The following DDR2 variants were observed in gnomAD, a reference collection of about 807,000 sequenced individuals.
DDR2 encodes discoidin domain receptor tyrosine kinase 2, also known as discoidin domain-containing receptor 2.
DDR2 carries 27 observed loss-of-function variants against 94.9 expected under a neutral mutation model. The observed-to-expected ratio is 0.28, with a 90% CI of 0.21 to 0.39. The LOEUF is 0.39. DDR2 is among the 10% of genes least tolerant of loss of function. The probability of loss-of-function intolerance (pLI) is 1.00; values close to 1 mark genes in which losing one functional copy is unlikely to be tolerated. For missense variants in DDR2, 783 were observed against 1,076.0 expected, an observed-to-expected ratio of 0.73 and a Z score of 3.81; for synonymous variants, 382 against 377.2, an observed-to-expected ratio of 1.01 and a Z score of -0.15.
In DDR2 at chr1:162,780,275, G is replaced by A. The variant is rs369559255; in HGVS notation, c.*29G>A. 9.5e-5 allele frequency: 154 copies of A among 1,613,258 alleles called. No homozygotes were observed. The highest frequency in any genetic ancestry group is 2.8e-4 in the Admixed American group (17 of 59,896). Reference sequence around the variant, plus strand: ...TGTCAGTGCCTGGCCATGTTCCTACGGCTCAGGTCCTCCCTACAAGACCTA... The same window carrying A: ...TGTCAGTGCCTGGCCATGTTCCTACAGCTCAGGTCCTCCCTACAAGACCTA... On this transcript the variant is annotated 3_prime_UTR_variant, in exon 18 of 18. Transcript: ENST00000367921.
rs79640333 is a variant in DDR2 at position 162,725,092 on chromosome 1, A to C, written c.82+5947A>C. Among the ~76,000 whole-genome samples the C allele has an allele frequency of 5.3e-3, 804 of 152,282 alleles. 28 individuals carry two copies. The highest frequency in any genetic ancestry group is 0.041 in the Admixed American group (627 of 15,282). On this transcript the variant is annotated intron_variant, in intron 3 of 17. Coordinates refer to ENST00000367921, the MANE Select transcript of DDR2 (RefSeq NM_006182.4). The stretch of plus-strand genomic sequence containing the variant: ...CTCAAAGAATATTCAATGAACACTT[A>C]ATATATTCTGGGTACCATTTTAAGT...
At chr1:162,648,058 T>C (rs201276790) in intron 1 of DDR2, among the ~76,000 whole-genome samples, 3 of 1,668 alleles carry the variant, frequency 1.8e-3, no homozygotes, top group East Asian at 0.5. Context: ...GGTTTTTTCC[T>C]TTTTTTTTTT....
chr1:162,689,419 A>G (rs759896031), intron 2 of DDR2, among the ~76,000 whole-genome samples: 4 of 152,174 alleles, frequency 2.6e-5, no homozygotes, highest in Non-Finnish European at 5.9e-5. Flanking sequence ...ATGAAAACCA[A>G]TGGAGAAATT....
At chr1:162,679,735 C>G (rs1659310212) in intron 2 of DDR2, among the ~76,000 whole-genome samples, 1 of 151,878 alleles carries the variant, frequency 6.6e-6, no homozygotes, top group Non-Finnish European at 1.5e-5. Context: ...TCCACAATCG[C>G]TGAACTAATT....
chr1:162,740,739 G>A (rs997791291), intron 3 of DDR2, among the ~76,000 whole-genome samples: 1 of 152,052 alleles, frequency 6.6e-6, no homozygotes, highest in Admixed American at 6.6e-5. Flanking sequence ...CTGTATTCCC[G>A]CAAGGCCAAT....
chr1:162,687,714 G>T (rs916973011), intron 2 of DDR2, among the ~76,000 whole-genome samples: 1 of 152,134 alleles, frequency 6.6e-6, no homozygotes, highest in Non-Finnish European at 1.5e-5. Flanking sequence ...AGAACCAGGG[G>T]GATGCTGCCT....
At chr1:162,750,608 C>T (rs1245687106) in intron 3 of DDR2, among the ~76,000 whole-genome samples, 1 of 152,172 alleles carries the variant, frequency 6.6e-6, no homozygotes, top group Non-Finnish European at 1.5e-5. Context: ...CCCCATCAAG[C>T]TACCAATGAC....
rs56323242 is a variant in DDR2, at chr1:162,763,336, C to CTTTT, written c.1099+1913_1099+1916dup. ...TACAGGTGCCTGCTACCACGCCCGGCTTTTTTTTTTTTTTTTTTTTTTTTT... is the reference window on the plus strand; with the variant it reads ...TACAGGTGCCTGCTACCACGCCCGGCTTTTTTTTTTTTTTTTTTTTTTTTTTTTT... On this transcript the variant is annotated intron_variant, in intron 9 of 17. Coordinates refer to ENST00000367921, the MANE Select transcript of DDR2 (RefSeq NM_006182.4). 2.8e-4 allele frequency among the ~76,000 whole-genome samples: 16 copies of CTTTT among 56,532 alleles called. 1 individual carries two copies. The highest frequency in any genetic ancestry group is 8.2e-4 in the African/African-American group (11 of 13,356). 37.1% of individuals were successfully genotyped at this position (56,532 alleles called of 152,430 possible). A position where few individuals can be genotyped will look rare whatever the true frequency, so the allele number is the denominator to read the frequency against.
At chr1:162,642,403 G>C (rs1467831650) in intron 1 of DDR2, among the ~76,000 whole-genome samples, 3 of 151,380 alleles carry the variant, frequency 2.0e-5, no homozygotes, top group Non-Finnish European at 2.9e-5. Context: ...CTCCCGAGTA[G>C]CTGGGATTAC....
intron 14 of DDR2, among the ~76,000 whole-genome samples, chr1:162,775,039 C>G (rs772021877): frequency 2.6e-5 from 4 of 152,142 alleles, no homozygotes; most frequent in Non-Finnish European, 2.9e-5. Flanking sequence ...AATTATTAGT[C>G]TTGGTCAAAT....
In DDR2 at chr1:162,760,513, T is replaced by G. The variant is rs1425497634; in HGVS notation, c.855+534T>G. Among the ~76,000 whole-genome samples the G allele has an allele frequency of 1.2e-4, 11 of 89,384 alleles. 1 individual carries two copies. The highest frequency in any genetic ancestry group is 4.1e-4 in the African/African-American group (9 of 21,982). 58.6% of individuals were successfully genotyped at this position (89,384 alleles called of 152,430 possible). A position where few individuals can be genotyped will look rare whatever the true frequency, so the allele number is the denominator to read the frequency against. ...ATATGTATATACATATACAACTATA[T>G]ATATGTATATACATATACAACTAGA... is the stretch of plus-strand genomic sequence containing the variant. On this transcript the variant is annotated intron_variant, in intron 8 of 17. Transcript: ENST00000367921.
rs764117026 is a variant in DDR2 at position 162,776,250 on chromosome 1, C to A, written c.2163C>A (p.Asn721Lys). ...CACGAAACTGTTTAGTGGGTAAGAA[C>A]TACACAATCAAGATAGCTGACTTTG... ...LATRNCLVGK[N>K]YTIKIADFGM... is the part of the protein sequence containing the mutation. Residue 721 changes from asparagine (N) to lysine (K), a missense_variant, in exon 16 of 18, where the codon AAC (asparagine) becomes AAA (lysine). Transcript: ENST00000367921. 9.9e-6 allele frequency: 16 copies of A among 1,613,770 alleles called. No homozygotes were observed. Among genetic ancestry groups the A allele is most frequent in the Non-Finnish European group, 1.4e-5 (16 of 1,179,956 alleles).
intron 1 of DDR2, among the ~76,000 whole-genome samples, chr1:162,639,373 C>T (rs905648623): frequency 1.3e-5 from 2 of 152,158 alleles, no homozygotes; most frequent in Non-Finnish European, 2.9e-5. Flanking sequence ...GGAGCAAAGG[C>T]AATCTGATGG....
intron 2 of DDR2, among the ~76,000 whole-genome samples, chr1:162,694,221 C>A (rs761676145): frequency 3.3e-5 from 5 of 152,224 alleles, no homozygotes; most frequent in African/African-American, 4.8e-5. Context: ...TGCCACTCCT[C>A]TGCCTAAAAG....
rs575117776 is a variant in DDR2, at chr1:162,726,084, G to A, written c.82+6939G>A. 3.9e-5 allele frequency among the ~76,000 whole-genome samples: 6 copies of A among 152,210 alleles called. No individual in the cohort carries two copies. The East Asian group carries it at 7.7e-4, about 20-fold the overall frequency. On this transcript the variant is annotated intron_variant, in intron 3 of 17. Coordinates refer to ENST00000367921, the MANE Select transcript of DDR2 (RefSeq NM_006182.4). ...GCAGTCTTCTCACCTATCACTGATCGCTGCCTTAAGGGCTGTTAGGAAGAG... is the reference window on the plus strand; with the variant it reads ...GCAGTCTTCTCACCTATCACTGATCACTGCCTTAAGGGCTGTTAGGAAGAG...
intron 1 of DDR2, among the ~76,000 whole-genome samples, chr1:162,637,641 C>A (rs1442081492): frequency 6.6e-6 from 1 of 152,146 alleles, no homozygotes; most frequent in African/African-American, 2.4e-5. Flanking sequence ...TGCTGCCTCT[C>A]AAGCTGTTTA....
At chr1:162,705,315 C>A (rs984571584) in intron 2 of DDR2, among the ~76,000 whole-genome samples, 4 of 152,188 alleles carry the variant, frequency 2.6e-5, no homozygotes, top group South Asian at 2.1e-4. Context: ...CAGCTACGAG[C>A]CAATGGATCC....
At chr1:162,661,078 C>A (rs994482846) in intron 2 of DDR2, among the ~76,000 whole-genome samples, 2 of 152,192 alleles carry the variant, frequency 1.3e-5, no homozygotes, top group African/African-American at 4.8e-5. Context: ...AGAAGCTGAA[C>A]CATAAACCGT....
At chr1:162,755,870 T>G (rs573306519) in intron 7 of DDR2, 101 bp downstream of exon 7, 1 of 982,754 alleles carries the variant, frequency 1.0e-6, no homozygotes, top group East Asian at 2.4e-5. Context: ...CAATCAGTAT[T>G]TATTTAGTTC....
Sources: allele counts gnomAD v4.1 joint callset (sites outside exome capture counted in the v4.1 genomes callset), GRCh38; gene constraint gnomAD v4.1.1; transcripts MANE v1.5; gene names NCBI Gene and HGNC (gene_info 2026-07-23, HGNC 2026-07-21).